The following PTPRG variants were observed in gnomAD, a reference collection of about 807,000 sequenced individuals.
PTPRG encodes the protein protein tyrosine phosphatase receptor type G, also known as receptor-type tyrosine-protein phosphatase gamma.
PTPRG carries 102 observed loss-of-function variants against 165.3 expected under a neutral mutation model. The ratio of observed to expected loss-of-function variants is 0.62; its 90% confidence interval spans 0.53 to 0.73. The LOEUF (loss-of-function observed/expected upper bound fraction) is 0.73, where lower values mean the gene tolerates loss of function less well. Among genes scored for constraint, PTPRG ranks in the 30% least tolerant of loss-of-function variants. PTPRG has a pLI of 0.00. For synonymous variants in PTPRG, 675 were observed against 669.5 expected (o/e 1.01, Z -0.13); for missense variants, 1,866 against 1,861.4 (o/e 1.00, Z -0.05).
chr3:61,983,145 G>A (rs1404320113), intron 2 of PTPRG, among the ~76,000 whole-genome samples: 1 of 152,124 alleles, frequency 6.6e-6, no homozygotes, highest in Non-Finnish European at 1.5e-5. Flanking sequence ...TAATATGCAT[G>A]CCTTTTAAGA....
intron 2 of PTPRG, among the ~76,000 whole-genome samples, chr3:61,868,337 T>A (rs936993693): frequency 1.3e-5 from 2 of 152,224 alleles, no homozygotes; most frequent in African/African-American, 4.8e-5. Flanking sequence ...CTCTCAGATT[T>A]GATTCCGAAA....
chr3:61,680,743 G>GCTTT (rs766786219), intron 1 of PTPRG, among the ~76,000 whole-genome samples: 1 of 138,934 alleles, frequency 7.2e-6, no homozygotes, highest in African/African-American at 2.5e-5. Context: ...TATCAGGTGT[G>GCTTT]GTACAGGTTG....
chr3:62,092,512 A>C (rs1477168681), intron 5 of PTPRG, among the ~76,000 whole-genome samples: 1 of 151,856 alleles, frequency 6.6e-6, no homozygotes, highest in East Asian at 1.9e-4. Context: ...AATGCCTATC[A>C]CAGAGAGATA....
chr3:61,862,530 G>A (rs2037299141), intron 2 of PTPRG, among the ~76,000 whole-genome samples: 2 of 151,926 alleles, frequency 1.3e-5, no homozygotes, highest in African/African-American at 4.8e-5. Flanking sequence ...TGGGATTACA[G>A]GCATGCACCA....
chr3:62,108,201 C>T lies in PTPRG; in HGVS notation c.616-24401C>T, dbSNP rs938019096. Among the ~76,000 whole-genome samples, 11 of 152,150 alleles carry T rather than the reference C, an allele frequency of 7.2e-5. No homozygotes were observed. The East Asian group carries it at 1.4e-3, about 19-fold the overall frequency. On this transcript the variant is annotated intron_variant, in intron 5 of 29. Coordinates refer to ENST00000474889, the MANE Select transcript of PTPRG (RefSeq NM_002841.4). ...CCAATGTTATCCCTCCCCCAGCCCC[C>T]CACCCCGCAACAGGCCCCGGTGTGT... is the stretch of plus-strand genomic sequence containing the variant.
intron 28 of PTPRG, among the ~76,000 whole-genome samples, chr3:62,289,134 G>A (rs935982496): frequency 2.0e-5 from 3 of 152,100 alleles, no homozygotes; most frequent in African/African-American, 7.2e-5. Context: ...ATGCGATCTT[G>A]GCCAGTTACT....
intron 1 of PTPRG, chr3:61,743,129 G>A (rs1559586667): frequency 1.6e-6 from 2 of 1,215,726 alleles, no homozygotes; most frequent in South Asian, 1.2e-5. Context: ...CGCGCTAACC[G>A]GAAAAGAGCG....
chr3:61,673,876 C>A (rs560167000), intron 1 of PTPRG, among the ~76,000 whole-genome samples: 1 of 152,208 alleles, frequency 6.6e-6, no homozygotes, highest in East Asian at 1.9e-4. Flanking sequence ...CGTGTGAGTT[C>A]ATGTCCTTTT....
chr3:61,678,099 C>T (rs1241595502), intron 1 of PTPRG, among the ~76,000 whole-genome samples: 1 of 152,146 alleles, frequency 6.6e-6, no homozygotes, highest in Non-Finnish European at 1.5e-5. Flanking sequence ...GAATGAGGGG[C>T]TGTGGCTGGG....
intron 4 of PTPRG, among the ~76,000 whole-genome samples, chr3:62,013,657 A>T (rs900244342): frequency 6.6e-6 from 1 of 152,208 alleles, no homozygotes; most frequent in African/African-American, 2.4e-5. Flanking sequence ...TATCTAGATT[A>T]TGTACCTCAT....
intron 1 of PTPRG, among the ~76,000 whole-genome samples, chr3:61,697,603 A>G (rs1485617978): frequency 6.6e-6 from 1 of 152,118 alleles, no homozygotes; most frequent in Non-Finnish European, 1.5e-5. Flanking sequence ...TAATAAGATA[A>G]CCTTTGGTAA....
At chr3:61,744,846 G>C (rs563238990) in intron 1 of PTPRG, among the ~76,000 whole-genome samples, 3 of 151,986 alleles carry the variant, frequency 2.0e-5, no homozygotes, top group South Asian at 4.2e-4. Flanking sequence ...TTTTCTTTTT[G>C]CTTCATGTAT....
chr3:62,162,274 G>A (rs890738411), intron 7 of PTPRG, among the ~76,000 whole-genome samples: 2 of 150,808 alleles, frequency 1.3e-5, no homozygotes, highest in Non-Finnish European at 2.9e-5. Context: ...CAACACATTT[G>A]CAATTCAAGG....
chr3:61,742,894 T>A, intron 1 of PTPRG: 1 of 1,491,374 alleles, frequency 6.7e-7, no homozygotes, highest in Non-Finnish European at 9.3e-7. Context: ...GTCACAGTGC[T>A]GCTGGTCCCC....
chr3:61,770,539 G>C (rs768195950), intron 2 of PTPRG: 2 of 152,072 alleles, frequency 1.3e-5, no homozygotes, highest in Non-Finnish European at 2.9e-5. Context: ...GTGGTGGTAG[G>C]ACTAATTACT....
rs72880482 is a variant in PTPRG at position 61,826,905 on chromosome 3, G to A, written c.190+77923G>A. ...CTGAAATCATTTGGTGATTGAAGTA[G>A]TAATTACTATGCTTCTAGAAATATT... is the stretch of plus-strand genomic sequence containing the variant. On this transcript the variant is annotated intron_variant, in intron 2 of 29. Coordinates refer to ENST00000474889, the MANE Select transcript of PTPRG (RefSeq NM_002841.4). 1.7e-3 allele frequency among the ~76,000 whole-genome samples: 255 copies of A among 150,682 alleles called. 1 individual carries two copies. Among genetic ancestry groups the A allele is most frequent in the African/African-American group, 6.0e-3 (245 of 40,896 alleles).
chr3:61,677,598 G>A lies in PTPRG; in HGVS notation c.86-71280G>A, dbSNP rs554796578. On this transcript the variant is annotated intron_variant, in intron 1 of 29. Transcript: ENST00000474889. Reference sequence around the variant, plus strand: ...ATATAAAAGCCATAGATCTAGGCCTGTGATTAAAACCTGCCCATTGCTTAT... The same window carrying A: ...ATATAAAAGCCATAGATCTAGGCCTATGATTAAAACCTGCCCATTGCTTAT... 3.3e-5 allele frequency among the ~76,000 whole-genome samples: 5 copies of A among 152,306 alleles called. No homozygotes were observed. The South Asian group carries it at 8.3e-4, about 25-fold the overall frequency.
intron 3 of PTPRG, among the ~76,000 whole-genome samples, chr3:61,996,204 T>C (rs188164063): frequency 1.3e-5 from 2 of 152,288 alleles, no homozygotes; most frequent in East Asian, 1.9e-4. Flanking sequence ...ACCTCTCTTA[T>C]CCCTGATAAT....
intron 5 of PTPRG, among the ~76,000 whole-genome samples, chr3:62,121,019 A>G (rs911715202): frequency 2.0e-5 from 3 of 151,278 alleles, no homozygotes; most frequent in Non-Finnish European, 1.5e-5. Context: ...ATCTCGGCTC[A>G]CTGCAAGCTG....
Sources: gnomAD v4.1 joint callset for allele counts (sites outside exome capture counted in the v4.1 genomes callset) on GRCh38, gnomAD v4.1.1 for gene constraint, MANE v1.5 for transcripts, NCBI Gene and HGNC (gene_info 2026-07-23, HGNC 2026-07-21) for gene names.